Variants in TNFRSF19 observed in about 807,000 individuals in gnomAD.
The protein encoded by TNFRSF19 is tumor necrosis factor receptor superfamily member 19.
In TNFRSF19, 27 loss-of-function variants were observed where a neutral mutation model predicts 46.4. The observed-to-expected ratio is 0.58, with a 90% CI of 0.43 to 0.80. The LOEUF (loss-of-function observed/expected upper bound fraction) is 0.80, where lower values mean the gene tolerates loss of function less well. TNFRSF19 is among the 30% of genes least tolerant of loss of function. The probability of loss-of-function intolerance (pLI) is 0.00; values close to 1 mark genes in which losing one functional copy is unlikely to be tolerated. For synonymous variants in TNFRSF19, 204 were observed against 205.0 expected (o/e 1.00, Z 0.04); for missense variants, 511 against 530.8 (o/e 0.96, Z 0.37).
chr13:23,592,459 G>GA (rs1249756028), intron 2 of TNFRSF19, among the ~76,000 whole-genome samples: 3 of 152,218 alleles, frequency 2.0e-5, no homozygotes, highest in Non-Finnish European at 2.9e-5. Flanking sequence ...GTTGTTTTCA[G>GA]AAAAAATAAG....
chr13:23,671,338 A>G (rs735901), intron 9 of TNFRSF19, among the ~76,000 whole-genome samples: 16,520 of 152,180 alleles, frequency 0.11, 1,141 homozygotes, highest in East Asian at 0.23. Context: ...GTTTTTACTA[A>G]CTTTTCAAGA....
rs762438682 is a variant in TNFRSF19 at position 23,668,732 on chromosome 13, G to A, written c.880G>A (p.Gly294Arg). ...CGGGGAGATGGTGCCGACTTTCTTCGGATCCCTCACGCAGTCCATCTGTGG... is the reference window on the plus strand; with the variant it reads ...CGGGGAGATGGTGCCGACTTTCTTCAGATCCCTCACGCAGTCCATCTGTGG... ...PAGEMVPTFF[G>R]SLTQSICGEF... is the part of the protein sequence containing the mutation. Residue 294 changes from glycine (G) to arginine (R), a missense_variant, in exon 9 of 10, where the codon GGA (glycine) becomes AGA (arginine). Physicochemically the swap from Gly to Arg is moderately radical, Grantham distance 125. Transcript: ENST00000248484. 8.7e-6 allele frequency: 14 copies of A among 1,613,970 alleles called. No homozygotes were observed. In the East Asian group the frequency reaches 1.3e-4, roughly 15 times the overall value.
At chr13:23,667,283 T>C (rs1951655833) in intron 7 of TNFRSF19, among the ~76,000 whole-genome samples, 1 of 152,236 alleles carries the variant, frequency 6.6e-6, no homozygotes, top group South Asian at 2.1e-4. Context: ...ATTATCTTTG[T>C]AGCACAAAAT....
At chr13:23,626,827 C>T (rs1211331848) in intron 5 of TNFRSF19, 35 bp downstream of exon 5, 18 of 1,586,550 alleles carry the variant, frequency 1.1e-5, no homozygotes, top group Middle Eastern at 1.7e-4. Context: ...GCCAAGGGGA[C>T]GCCTGGCCTT....
At chr13:23,600,231 A>C (rs763505870) in intron 3 of TNFRSF19, among the ~76,000 whole-genome samples, 1 of 152,198 alleles carries the variant, frequency 6.6e-6, no homozygotes, top group Non-Finnish European at 1.5e-5. Flanking sequence ...CTATCCCAAC[A>C]GGAAGTAAAA....
chr13:23,581,575 A>G (rs1056619456), intron 1 of TNFRSF19, among the ~76,000 whole-genome samples: 3 of 152,180 alleles, frequency 2.0e-5, no homozygotes, highest in Admixed American at 1.3e-4. Context: ...GGCTTTTTAC[A>G]TATATTTTAT....
In TNFRSF19 at chr13:23,618,215, A is replaced by G. The variant is rs139423645; in HGVS notation, c.359+2170A>G. Among the ~76,000 whole-genome samples, 169 of 152,310 alleles carry G rather than the reference A, an allele frequency of 1.1e-3. 2 individuals are homozygous for G. In the East Asian group the frequency reaches 0.027, roughly 24 times the overall value. On this transcript the variant is annotated intron_variant, in intron 4 of 9. Transcript: ENST00000248484. The stretch of plus-strand genomic sequence containing the variant: ...ACAAAACACAACCACACAACCCACA[A>G]AATAGGAGAAAATACTGGCAAATCA...
chr13:23,663,864 G>A (rs1459940443), intron 7 of TNFRSF19, among the ~76,000 whole-genome samples: 1 of 151,910 alleles, frequency 6.6e-6, no homozygotes, highest in Non-Finnish European at 1.5e-5. Context: ...CATCCCTTTT[G>A]TAGTTTTTAA....
At chr13:23,591,154 C>T (rs1879253911) in intron 2 of TNFRSF19, among the ~76,000 whole-genome samples, 1 of 152,086 alleles carries the variant, frequency 6.6e-6, no homozygotes, top group African/African-American at 2.4e-5. Context: ...GCAAAGTTTT[C>T]TTGAAAGACA....
At chr13:23,653,160 C>T (rs1883753982) in intron 5 of TNFRSF19, among the ~76,000 whole-genome samples, 1 of 152,218 alleles carries the variant, frequency 6.6e-6, no homozygotes, top group African/African-American at 2.4e-5. Flanking sequence ...CTGCATTCAC[C>T]TCCCAGCTCA....
rs1422647256 is a variant in TNFRSF19 at position 23,593,402 on chromosome 13, T to C, written c.127T>C (p.Ser43Pro). The C allele has an allele frequency of 1.2e-6, 2 of 1,602,708 alleles. No individual in the cohort carries two copies. Among genetic ancestry groups the C allele is most frequent in the Non-Finnish European group, 1.7e-6 (2 of 1,177,162 alleles). Residue 43 changes from serine to proline, a missense_variant, in exon 3 of 10, where the codon TCT (serine) becomes CCT (proline). Around this residue, in one of 3 missense-constraint regions of TNFRSF19, gnomAD observed 121 missense variants for 124.1 expected, o/e 0.98. Transcript: ENST00000248484. ...DCRQQEFRDRSGNCVPCNQCG... is the reference protein window; with the variant it reads ...DCRQQEFRDRPGNCVPCNQCG... ...TAGACAGCAAGAATTCAGGGATCGG[T>C]CTGGAAACTGTGTTCCCTGCAACCA... is the stretch of plus-strand genomic sequence containing the variant.
intron 1 of TNFRSF19, among the ~76,000 whole-genome samples, chr13:23,582,009 A>G (rs541576210): frequency 3.2e-4 from 48 of 152,336 alleles, no homozygotes; most frequent in African/African-American, 1.1e-3. Context: ...ATACATTGAT[A>G]GCTGCCTATG....
At chr13:23,646,647 C>T (rs1413252727) in intron 5 of TNFRSF19, among the ~76,000 whole-genome samples, 3 of 152,128 alleles carry the variant, frequency 2.0e-5, no homozygotes, top group Non-Finnish European at 4.4e-5. Flanking sequence ...AATAATATTC[C>T]ACTGTATGTC....
chr13:23,570,671 G>T lies in TNFRSF19; in HGVS notation c.-212G>T, dbSNP rs1282208259. 3 of 152,042 alleles carry T rather than the reference G, an allele frequency of 2.0e-5. No individual in the cohort carries two copies. Among genetic ancestry groups the T allele is most frequent in the African/African-American group, 7.2e-5 (3 of 41,450 alleles). 9.4% of individuals were successfully genotyped at this position (152,042 alleles called of 1,614,324 possible). A position where few individuals can be genotyped will look rare whatever the true frequency, so the allele number is the denominator to read the frequency against. On this transcript the variant is annotated 5_prime_UTR_variant, in exon 1 of 10. It removes the in-frame stop codon of an upstream open reading frame in the 5' UTR. Transcript: ENST00000248484. The stretch of plus-strand genomic sequence containing the variant: ...GCCCTGCCTTTGATGTTCAGCAACT[G>T]ATTCACTGATCAGATTACAGGCATT...
chr13:23,644,224 G>A (rs1360388112), intron 5 of TNFRSF19, among the ~76,000 whole-genome samples: 3 of 152,156 alleles, frequency 2.0e-5, no homozygotes, highest in Admixed American at 6.5e-5. Context: ...TGGTTTTGAT[G>A]TGCCCTCAGT....
chr13:23,647,163 A>G (rs1051238784), intron 5 of TNFRSF19, among the ~76,000 whole-genome samples: 3 of 152,146 alleles, frequency 2.0e-5, no homozygotes, highest in Non-Finnish European at 4.4e-5. Context: ...GGAGCTCTTT[A>G]TATATTCTGG....
intron 5 of TNFRSF19, among the ~76,000 whole-genome samples, chr13:23,636,998 G>A (rs529619105): frequency 1.8e-4 from 28 of 151,954 alleles, no homozygotes; most frequent in Non-Finnish European, 2.5e-4. Flanking sequence ...TATAATATTT[G>A]CTATGTTTTG....
At position 23,570,431 on chromosome 13, in the gene TNFRSF19, AC is replaced by A. The variant is rs1359922983; in HGVS notation, c.-451del. The A allele has an allele frequency of 6.6e-6, 1 of 152,308 alleles. No individual in the cohort carries two copies. The highest frequency in any genetic ancestry group is 2.4e-5 in the African/African-American group (1 of 41,440). The allele number at this position is 152,308 out of a possible 1,614,324, so 9.4% of individuals were successfully genotyped here. Reference sequence around the variant, plus strand: ...GCTGGCACTAGGAAAAGCTTCCAACACACAGTCCACAACACAGCTTGGGAAC... The same window carrying A: ...GCTGGCACTAGGAAAAGCTTCCAACAACAGTCCACAACACAGCTTGGGAAC... On this transcript the variant is annotated 5_prime_UTR_variant, in exon 1 of 10. Transcript: ENST00000248484.
intron 7 of TNFRSF19, among the ~76,000 whole-genome samples, chr13:23,664,384 G>A (rs1951582569): frequency 6.6e-6 from 1 of 151,774 alleles, no homozygotes. Flanking sequence ...AACTTTCTTT[G>A]CTATGTATTT....
Sources: gnomAD v4.1 joint callset for allele counts (sites outside exome capture counted in the v4.1 genomes callset) on GRCh38, gnomAD v4.1.1 for gene constraint, gnomAD v4.1.1 regional missense constraint, MANE v1.5 for transcripts, NCBI Gene and HGNC (gene_info 2026-07-23, HGNC 2026-07-21) for gene names.